The following SAMD9L variants were observed in gnomAD, a reference collection of about 807,000 sequenced individuals.
SAMD9L encodes the protein sterile alpha motif domain-containing protein 9-like.
A neutral mutation model predicts 90.7 loss-of-function variants in SAMD9L; 68 were observed. That is an observed-to-expected ratio of 0.75 (90% CI 0.62 to 0.92). The LOEUF is 0.92. Among genes scored for constraint, SAMD9L ranks in the 40% least tolerant of loss-of-function variants. SAMD9L has a pLI of 0.00. For missense variants in SAMD9L, 1,604 were observed against 1,824.3 expected, an observed-to-expected ratio of 0.88 and a Z score of 2.20; for synonymous variants, 640 against 630.1, an observed-to-expected ratio of 1.02 and a Z score of -0.23.
chr7:93,143,986 G>C (rs937968383), intron 4 of SAMD9L, among the ~76,000 whole-genome samples: 1 of 152,196 alleles, frequency 6.6e-6, no homozygotes. Flanking sequence ...GTGTATAAAG[G>C]TGGAGGAGTT....
Position 93,133,478 on chromosome 7 carries a change from T to C in SAMD9L, c.2494A>G (p.Thr832Ala), listed in dbSNP as rs751988976. ...ATGCAGTTTAAGATAATTACCAATG[T>C]TTTTTCATATCGCAAATCCTTTTCT... ...LAEKDLRYEK[T>A]LVIILNCMRS... Residue 832 changes from threonine (T) to alanine (A), a missense_variant, in exon 5 of 5, where the codon ACA becomes GCA. This residue lies in a region of SAMD9L where 606 missense variants were observed against 717.6 expected (regional missense o/e 0.84). Coordinates refer to ENST00000318238, the MANE Select transcript of SAMD9L (RefSeq NM_152703.5). The C allele has an allele frequency of 6.2e-7, 1 of 1,612,274 alleles. No homozygotes were observed.
chr7:93,140,368 C>G (rs1022524068), intron 4 of SAMD9L, among the ~76,000 whole-genome samples: 1 of 149,816 alleles, frequency 6.7e-6, no homozygotes, highest in African/African-American at 2.5e-5. Context: ...CATACCCTGA[C>G]TGGAGAATTG....
intron 4 of SAMD9L, among the ~76,000 whole-genome samples, chr7:93,144,352 G>A (rs779153417): frequency 6.6e-6 from 1 of 152,216 alleles, no homozygotes. Context: ...AATTGCATCT[G>A]TACTGAAAAT....
Position 93,131,681 on chromosome 7 carries a change from A to G in SAMD9L, c.4291T>C (p.Cys1431Arg). The change falls in exon 5 of 5, where the codon TGC becomes CGC. Residue 1431 changes from cysteine to arginine, a missense_variant. Physicochemically the swap from Cys to Arg is radical, Grantham distance 180 (BLOSUM62 -3). Around this residue, in one of 7 missense-constraint regions of SAMD9L, gnomAD observed 282 missense variants for 329.6 expected, o/e 0.86. Coordinates refer to ENST00000318238, the MANE Select transcript of SAMD9L (RefSeq NM_152703.5). ...HQYPGPYFLA[C>R]LLFWPENQEL... is the part of the protein sequence containing the mutation. ...TGATTTTCTGGCCAGAACAGGAGGC[A>G]GGCCAAGAAATAAGGACCTGGATAT... 6.2e-7 allele frequency: 1 copy of G among 1,613,900 alleles called. No individual in the cohort carries two copies. Among genetic ancestry groups the G allele is most frequent in the Non-Finnish European group, 8.5e-7 (1 of 1,179,828 alleles).
At chr7:93,137,736 T>C (rs763512694) in intron 4 of SAMD9L, among the ~76,000 whole-genome samples, 274 of 5,618 alleles carry the variant, frequency 0.049, no homozygotes, top group Non-Finnish European at 0.058. Context: ...GAACCTAAGT[T>C]TTTTTTTTTT....
intron 3 of SAMD9L, among the ~76,000 whole-genome samples, 172 bp downstream of exon 3, chr7:93,145,213 A>G (rs1792845119): frequency 6.6e-6 from 1 of 152,274 alleles, no homozygotes; most frequent in Admixed American, 6.5e-5. Context: ...TGATTCTCAT[A>G]TAAAAATAGT....
In SAMD9L at chr7:93,131,503, TTGTGAACAATAC is replaced by T; in HGVS notation, c.4457_4468del (p.Ser1486_His1489del). 6.2e-7 allele frequency: 1 copy of T among 1,613,982 alleles called. No individual in the cohort carries two copies. Among genetic ancestry groups the T allele is most frequent in the Non-Finnish European group, 8.5e-7 (1 of 1,179,902 alleles). ...ATCAAAGTACTGCTCTATTTTGGCC[TTGTGAACAATAC>T]TGTTTAGACCCTTCCTTTTGCCCAG... On this transcript the variant is annotated inframe_deletion, in exon 5 of 5. Transcript: ENST00000318238.
Position 93,131,664 on chromosome 7 carries a change from T to C in SAMD9L, c.4308A>G (p.Pro1436=), listed in dbSNP as rs780633589. The part of the protein sequence containing the change: ...PYFLACLLFW[P]ENQELDQDSK... ...AATCTTGATCTAGCTCTTGATTTTC[T>C]GGCCAGAACAGGAGGCAGGCCAAGA... Residue 1436 remains proline (P), a synonymous_variant, in exon 5 of 5, where the codon CCA becomes CCG. Transcript: ENST00000318238. The C allele has an allele frequency of 2.5e-6, 4 of 1,613,948 alleles. No homozygotes were observed. The highest frequency in any genetic ancestry group is 3.4e-6 in the Non-Finnish European group (4 of 1,179,878).
intron 4 of SAMD9L, among the ~76,000 whole-genome samples, chr7:93,142,659 C>T (rs1792737731): frequency 6.6e-6 from 1 of 152,170 alleles, no homozygotes; most frequent in Non-Finnish European, 1.5e-5. Context: ...ATAGGGTTTT[C>T]CCTGGAGGAG....
chr7:93,131,713 C>A lies in SAMD9L; in HGVS notation c.4259G>T (p.Ser1420Ile). The change falls in exon 5 of 5, where the codon AGT (serine) becomes ATT (isoleucine). Residue 1420 changes from serine (S) to isoleucine (I), a missense_variant. Ser to Ile is a moderately radical substitution (Grantham distance 142, BLOSUM62 -2). Around this residue, in one of 7 missense-constraint regions of SAMD9L, gnomAD observed 282 missense variants for 329.6 expected, o/e 0.86. Transcript: ENST00000318238. ...GAAATAAGGACCTGGATATTGATGA[C>A]TTAGTCCTACAAATTGCAAGACCTC... ...LREVLQFVGL[S>I]HQYPGPYFLA... 2 of 1,613,828 alleles carry A rather than the reference C, an allele frequency of 1.2e-6. No homozygotes were observed. Among genetic ancestry groups the A allele is most frequent in the Non-Finnish European group, 1.7e-6 (2 of 1,179,836 alleles).
chr7:93,136,463 A>T (rs1792457067), intron 4 of SAMD9L, among the ~76,000 whole-genome samples: 1 of 152,192 alleles, frequency 6.6e-6, no homozygotes, highest in African/African-American at 2.4e-5. Flanking sequence ...TGGTTAAATA[A>T]TCTGTTTTCT....
intron 4 of SAMD9L, among the ~76,000 whole-genome samples, chr7:93,137,673 T>C (rs1056251474): frequency 4.6e-5 from 7 of 151,800 alleles, no homozygotes; most frequent in African/African-American, 1.2e-4. Context: ...TCCAAAAAGA[T>C]TGGGGACTGC....
chr7:93,134,515 G>A lies in SAMD9L; in HGVS notation c.1457C>T (p.Thr486Ile). Residue 486 changes from threonine (T) to isoleucine (I), a missense_variant, in exon 5 of 5, where the codon ACT (threonine) becomes ATT (isoleucine). By Grantham distance (89) the Thr-to-Ile change is moderately conservative (BLOSUM62 -1). Around this residue, in one of 7 missense-constraint regions of SAMD9L, gnomAD observed 606 missense variants for 717.6 expected, o/e 0.84. Coordinates refer to ENST00000318238, the MANE Select transcript of SAMD9L (RefSeq NM_152703.5). The stretch of plus-strand genomic sequence containing the variant: ...GCTGGGCTGTTGGTAAAGATTAAGA[G>A]TAGAAATCTTCTCCCACATGTTAGT... ...KTTNMWEKIS[T>I]LNLYQQPSWI... The A allele has an allele frequency of 6.2e-7, 1 of 1,613,942 alleles. No individual in the cohort carries two copies. The highest frequency in any genetic ancestry group is 8.5e-7 in the Non-Finnish European group (1 of 1,179,902).
Position 93,131,601 on chromosome 7 carries a change from T to A in SAMD9L, c.4371A>T (p.Arg1457Ser), listed in dbSNP as rs752665363. The change falls in exon 5 of 5, where the codon AGA becomes AGT. Residue 1457 changes from arginine to serine, a missense_variant. Arg to Ser is a moderately radical substitution (Grantham distance 110). Around this residue, in one of 7 missense-constraint regions of SAMD9L, gnomAD observed 282 missense variants for 329.6 expected, o/e 0.86. Transcript: ENST00000318238. The stretch of plus-strand genomic sequence containing the variant: ...TGCGCTTGTACTGTCCCCTGAAGGA[T>A]CTATTTAAGGATGAAACATACTTTT... Reference protein sequence around the residue: ...LIEKYVSSLNRSFRGQYKRMC... With the variant: ...LIEKYVSSLNSSFRGQYKRMC... 5.0e-6 allele frequency: 8 copies of A among 1,613,916 alleles called. No homozygotes were observed. The highest frequency in any genetic ancestry group is 6.8e-6 in the Non-Finnish European group (8 of 1,179,874).
In SAMD9L at chr7:93,131,122, G is replaced by A. The variant is rs1792067289; in HGVS notation, c.*95C>T. ...AAGCAAAATCTGTAATTAGAGGTTA[G>A]CCATAATGTTATGAAAGTGCCATGA... On this transcript the variant is annotated 3_prime_UTR_variant, in exon 5 of 5. Transcript: ENST00000318238. 1 of 793,482 alleles carries A rather than the reference G, an allele frequency of 1.3e-6. No individual in the cohort carries two copies. Among genetic ancestry groups the A allele is most frequent in the Non-Finnish European group, 1.9e-6 (1 of 533,532 alleles). 49.2% of individuals were successfully genotyped at this position (793,482 alleles called of 1,614,324 possible). A position where few individuals can be genotyped will look rare whatever the true frequency, so the allele number is the denominator to read the frequency against.
In SAMD9L at chr7:93,134,386, A is replaced by G. The variant is rs765278254; in HGVS notation, c.1586T>C (p.Ile529Thr). ...RERASEVRKLILFLTDENIMT... is the reference protein window; with the variant it reads ...RERASEVRKLTLFLTDENIMT... ...TATATTTTCATCTGTGAGAAATAAA[A>G]TTAGTTTCCTGACTTCTGAAGCTCT... is the stretch of plus-strand genomic sequence containing the variant. Residue 529 changes from isoleucine (I) to threonine (T), a missense_variant, in exon 5 of 5, where the codon ATT (isoleucine) becomes ACT (threonine). By Grantham distance (89) the Ile-to-Thr change is moderately conservative. Around this residue, in one of 7 missense-constraint regions of SAMD9L, gnomAD observed 606 missense variants for 717.6 expected, o/e 0.84. Transcript: ENST00000318238. 1 of 1,612,630 alleles carries G rather than the reference A, an allele frequency of 6.2e-7. No homozygotes were observed. Among genetic ancestry groups the G allele is most frequent in the Non-Finnish European group, 8.5e-7 (1 of 1,179,648 alleles).
At position 93,133,439 on chromosome 7, in the gene SAMD9L, G is replaced by A. The variant is rs938001567; in HGVS notation, c.2533C>T (p.Pro845Ser). ...TCTGCCAATTTTGCACTTTCATCTG[G>A]ATTCCGGGATCTCATGCAGTTTAAG... is the stretch of plus-strand genomic sequence containing the variant. The part of the protein sequence containing the change: ...IILNCMRSRN[P>S]DESAKLADSI... Residue 845 changes from proline to serine, a missense_variant, in exon 5 of 5, where the codon CCA becomes TCA. This residue lies in a region of SAMD9L where 606 missense variants were observed against 717.6 expected (regional missense o/e 0.84). Transcript: ENST00000318238. 3.7e-6 allele frequency: 6 copies of A among 1,613,154 alleles called. No homozygotes were observed. Among genetic ancestry groups the A allele is most frequent in the Non-Finnish European group, 5.1e-6 (6 of 1,179,268 alleles).
intron 4 of SAMD9L, among the ~76,000 whole-genome samples, chr7:93,143,472 T>C (rs1425825179): frequency 6.6e-6 from 1 of 152,174 alleles, no homozygotes; most frequent in Non-Finnish European, 1.5e-5. Flanking sequence ...ATTTCATTGT[T>C]TCTCCTCTCT....
chr7:93,138,098 A>G (rs1215405435), intron 4 of SAMD9L, among the ~76,000 whole-genome samples: 2 of 152,146 alleles, frequency 1.3e-5, no homozygotes, highest in Non-Finnish European at 2.9e-5. Context: ...GCAGATCACA[A>G]CTAGTCCTGG....
Sources: allele counts gnomAD v4.1 joint callset (sites outside exome capture counted in the v4.1 genomes callset), GRCh38; gene constraint gnomAD v4.1.1; regional missense constraint gnomAD v4.1.1; transcripts MANE v1.5; gene names NCBI Gene and HGNC (gene_info 2026-07-23, HGNC 2026-07-21).